DNAAF1: variants seen among roughly 807,000 people sequenced by gnomAD.
DNAAF1 encodes dynein axonemal assembly factor 1.
DNAAF1 carries 65 observed loss-of-function variants against 71.1 expected under a neutral mutation model. That is an observed-to-expected ratio of 0.91 (90% confidence interval 0.75 to 1.12). The LOEUF is 1.12. Among genes scored for constraint, DNAAF1 ranks in the 50% most tolerant of loss-of-function variants. The probability of loss-of-function intolerance (pLI) is 0.00; values close to 1 mark genes in which losing one functional copy is unlikely to be tolerated. For synonymous variants in DNAAF1, 414 were observed against 354.6 expected (o/e 1.17, Z -1.88); for missense variants, 1,178 against 899.8 (o/e 1.31, Z -3.96).
chr16:84,174,809 A>C (rs1480346578), intron 10 of DNAAF1, 87 bp downstream of exon 10: 1 of 1,539,452 alleles, frequency 6.5e-7, no homozygotes, highest in Non-Finnish European at 9.0e-7. Context: ...TAAACTTGAA[A>C]GTAAAATGTT....
chr16:84,172,894 T>C, intron 9 of DNAAF1: 14 of 1,009,584 alleles, frequency 1.4e-5, no homozygotes, highest in Non-Finnish European at 1.7e-5. Context: ...GAATGTTTGA[T>C]CGCAGCCTTG....
Position 84,145,817 on chromosome 16 carries a change from G to A in DNAAF1, c.124+253G>A, listed in dbSNP as rs1226292815. Among the ~76,000 whole-genome samples the A allele has an allele frequency of 9.2e-5, 14 of 152,342 alleles. No individual in the cohort carries two copies. The East Asian group carries it at 2.7e-3, about 29-fold the overall frequency. ...TCAGTGACAGAAGAGACTTGGCCGGGTGCGGTGGCTCAACGCCTGTAATTC... is the reference window on the plus strand; with the variant it reads ...TCAGTGACAGAAGAGACTTGGCCGGATGCGGTGGCTCAACGCCTGTAATTC... On this transcript the variant is annotated intron_variant, in intron 1 of 11. Coordinates refer to ENST00000378553, the MANE Select transcript of DNAAF1 (RefSeq NM_178452.6).
chr16:84,158,149 G>A (rs1359143424), intron 5 of DNAAF1, among the ~76,000 whole-genome samples: 9 of 152,168 alleles, frequency 5.9e-5, no homozygotes, highest in East Asian at 1.9e-4. Flanking sequence ...AGCTTGCAGC[G>A]ACCCGAGATC....
chr16:84,165,851 G>C lies in DNAAF1; in HGVS notation c.932G>C (p.Ser311Thr). 1.2e-6 allele frequency: 2 copies of C among 1,613,542 alleles called. No individual in the cohort carries two copies. Among genetic ancestry groups the C allele is most frequent in the Non-Finnish European group, 1.7e-6 (2 of 1,179,954 alleles). Reference protein sequence around the residue: ...AEKEERQQWESRERKKITDSI... With the variant: ...AEKEERQQWETRERKKITDSI... ...AAGGAGGAGAGACAGCAGTGGGAGA[G>C]CAGGGAGCGGAAGAAGATCACAGAC... The change falls in exon 7 of 12, where the codon AGC becomes ACC. Residue 311 changes from serine to threonine, a missense_variant. Transcript: ENST00000378553.
intron 3 of DNAAF1, among the ~76,000 whole-genome samples, chr16:84,153,243 G>C (rs1029977793): frequency 6.6e-6 from 1 of 152,162 alleles, no homozygotes; most frequent in African/African-American, 2.4e-5. Context: ...TTTGTGGAGA[G>C]GGTTTGCAAG....
chr16:84,175,754 C>T, intron 10 of DNAAF1, 179 bp from the exon 11 acceptor site: 1 of 718,574 alleles, frequency 1.4e-6, no homozygotes, highest in Admixed American at 2.2e-5. Context: ...GAGCTGTGCC[C>T]AGGGAGTGGC....
chr16:84,156,600 T>G (rs1234989478), intron 5 of DNAAF1, among the ~76,000 whole-genome samples: 2 of 152,172 alleles, frequency 1.3e-5, no homozygotes, highest in African/African-American at 4.8e-5. Context: ...TCCCAGTTAT[T>G]TTAGCAGTCA....
intron 1 of DNAAF1, among the ~76,000 whole-genome samples, chr16:84,147,492 C>A (rs906273536): frequency 2.0e-5 from 3 of 151,832 alleles, no homozygotes; most frequent in Non-Finnish European, 4.4e-5. Context: ...ATTTTTGTTT[C>A]TTTTCATGTG....
chr16:84,170,405 C>T (rs201916004), intron 8 of DNAAF1, 49 bp downstream of exon 8: 155 of 1,611,816 alleles, frequency 9.6e-5, no homozygotes, highest in Non-Finnish European at 1.3e-4. Flanking sequence ...TCTCAGGGAG[C>T]CCCAGCCTTC....
chr16:84,155,846 C>G (rs1423585959), intron 5 of DNAAF1, 97 bp downstream of exon 5: 16 of 1,446,960 alleles, frequency 1.1e-5, no homozygotes, highest in Non-Finnish European at 1.4e-5. Flanking sequence ...TCTCTCCTTC[C>G]TGCCTTCCTT....
At chr16:84,177,696 G>A in intron 11 of DNAAF1, 33 bp from the exon 12 acceptor site, 1 of 1,582,720 alleles carries the variant, frequency 6.3e-7, no homozygotes, top group Non-Finnish European at 8.7e-7. Flanking sequence ...CACAGTGACA[G>A]GGAGAAAGCA....
At chr16:84,148,940 C>G in intron 1 of DNAAF1, 67 bp from the exon 2 acceptor site, 1 of 1,579,912 alleles carries the variant, frequency 6.3e-7, no homozygotes, top group East Asian at 2.2e-5. Flanking sequence ...ATTAACCAAG[C>G]TGAAGTTGGG....
chr16:84,168,827 T>TACACGCGCAC (rs145304597), intron 7 of DNAAF1, among the ~76,000 whole-genome samples: 1 of 145,888 alleles, frequency 6.9e-6, no homozygotes, highest in Non-Finnish European at 1.5e-5. Flanking sequence ...ATTTGCCACA[T>TACACGCGCAC]ACACACACAC....
chr16:84,166,037 ATTTT>A lies in DNAAF1; in HGVS notation c.1030+112_1030+115del, dbSNP rs58906103. The stretch of plus-strand genomic sequence containing the variant: ...TCAAACCCAGTCTTTAATCTTGGGA[ATTTT>A]TTTTTTTTTTTTTTTTTTTTTTTAG... On this transcript the variant is annotated intron_variant, in intron 7 of 11. Transcript: ENST00000378553. The A allele has an allele frequency of 0.013, 14,077 of 1,079,338 alleles. 183 individuals are homozygous for A. Among genetic ancestry groups the A allele is most frequent in the African/African-American group, 0.097 (4,914 of 50,730 alleles). The allele number at this position is 1,079,338 out of a possible 1,614,324, so 66.9% of individuals were successfully genotyped here. A position where few individuals can be genotyped will look rare whatever the true frequency, so the allele number is the denominator to read the frequency against.
rs775816960 is a variant in DNAAF1, at chr16:84,177,828, C to T, written c.2165C>T (p.Pro722Leu). The T allele has an allele frequency of 6.8e-6, 11 of 1,613,560 alleles. No homozygotes were observed. Among genetic ancestry groups the T allele is most frequent in the Middle Eastern group, 1.6e-4 (1 of 6,062 alleles). Residue 722 changes from proline (P) to leucine (L), a missense_variant, in exon 12 of 12, where the codon CCG becomes CTG. Physicochemically the swap from Pro to Leu is moderately conservative, Grantham distance 98 (BLOSUM62 -3). Transcript: ENST00000378553. ...TGGGACCTCACTGCATTCCCAGCACCGAAAGCATCATAGTTTTCCCCAGTT... is the reference window on the plus strand; with the variant it reads ...TGGGACCTCACTGCATTCCCAGCACTGAAAGCATCATAGTTTTCCCCAGTT... The part of the protein sequence containing the change: ...PTWDLTAFPA[P>L]KAS
chr16:84,163,657 G>A (rs1439225661), intron 6 of DNAAF1, among the ~76,000 whole-genome samples: 1 of 152,022 alleles, frequency 6.6e-6, no homozygotes, highest in East Asian at 1.9e-4. Context: ...AGGATTACAG[G>A]TGTGAGCCAC....
intron 1 of DNAAF1, among the ~76,000 whole-genome samples, chr16:84,147,051 T>C (rs1432851837): frequency 2.0e-5 from 3 of 152,178 alleles, no homozygotes; most frequent in African/African-American, 7.2e-5. Context: ...GCCAGCTTTA[T>C]GGCTGTTGGC....
intron 8 of DNAAF1, among the ~76,000 whole-genome samples, chr16:84,171,695 C>T (rs1041570600): frequency 6.6e-5 from 10 of 152,094 alleles, no homozygotes; most frequent in African/African-American, 2.4e-4. Context: ...CAGTCGGCTG[C>T]CATTTCCAAG....
rs1567566719 is a variant in DNAAF1, at chr16:84,173,762, CA to C, written c.1645-906del. On this transcript the variant is annotated intron_variant, in intron 9 of 11. Transcript: ENST00000378553. Reference sequence around the variant, plus strand: ...ATCCCAGCTACTCGGGAGGCTGAGGCAGGAGAACTGCTTGAACCTGGGAGGC... The same window carrying C: ...ATCCCAGCTACTCGGGAGGCTGAGGCGGAGAACTGCTTGAACCTGGGAGGC... The C allele has an allele frequency of 1.9e-5, 3 of 156,184 alleles. No individual in the cohort carries two copies. In the East Asian group the frequency reaches 5.8e-4, roughly 30 times the overall value. The allele number at this position is 156,184 out of a possible 1,614,324, so 9.7% of individuals were successfully genotyped here.
Sources: allele counts gnomAD v4.1 joint callset (sites outside exome capture counted in the v4.1 genomes callset), GRCh38; gene constraint gnomAD v4.1.1; transcripts MANE v1.5; gene names NCBI Gene and HGNC (gene_info 2026-07-23, HGNC 2026-07-21).